CDK19: variants seen among roughly 807,000 people sequenced by gnomAD.
CDK19 encodes the protein cyclin-dependent kinase 19.
CDK19 carries 20 observed loss-of-function variants against 68.3 expected under a neutral mutation model. The observed-to-expected ratio is 0.29, with a 90% CI of 0.21 to 0.43. The LOEUF (loss-of-function observed/expected upper bound fraction) is 0.43. CDK19 is among the 20% of genes least tolerant of loss of function. CDK19 has a pLI of 1.00. For missense variants in CDK19, 339 were observed against 623.5 expected, an observed-to-expected ratio of 0.54 and a Z score of 4.86; for synonymous variants, 221 against 222.8, an observed-to-expected ratio of 0.99 and a Z score of 0.07.
At chr6:110,741,096 C>T (rs1360781344) in intron 2 of CDK19, among the ~76,000 whole-genome samples, 3 of 151,756 alleles carry the variant, frequency 2.0e-5, no homozygotes, top group East Asian at 3.9e-4. Flanking sequence ...AGCCTATAAA[C>T]ATATGTATAA....
In CDK19 at chr6:110,814,976, G is replaced by C. The variant is rs201635984; in HGVS notation, c.128+33C>G. On this transcript the variant is annotated intron_variant, in intron 1 of 12. Transcript: ENST00000368911. ...CAGGTCGCGGGCAGGGCGAGGACCC[G>C]AGCGAGCCTACTCCTCCCGCCCCTG... The C allele has an allele frequency of 3.5e-4, 559 of 1,597,700 alleles. 3 individuals are homozygous for C. The highest frequency in any genetic ancestry group is 1.9e-4 in the Admixed American group (11 of 58,900).
At chr6:110,739,365 ACCAGACACTGAATGGG>A (rs1191654474) in intron 2 of CDK19, among the ~76,000 whole-genome samples, 3 of 152,240 alleles carry the variant, frequency 2.0e-5, no homozygotes, top group East Asian at 1.9e-4. Flanking sequence ...GTGGACCCTT[ACCAGACACTGAATGGG>A]CCAGACACTG....
intron 2 of CDK19, among the ~76,000 whole-genome samples, chr6:110,737,877 A>G (rs1035305084): frequency 2.0e-5 from 3 of 152,224 alleles, no homozygotes; most frequent in African/African-American, 7.2e-5. Context: ...TTCAACTCCA[A>G]AAGTAAAATT....
intron 2 of CDK19, among the ~76,000 whole-genome samples, chr6:110,730,996 G>A (rs1776704897): frequency 6.6e-6 from 1 of 151,740 alleles, no homozygotes; most frequent in Admixed American, 6.6e-5. Flanking sequence ...AGGTTGCAGT[G>A]AGCTGAGATA....
In CDK19 at chr6:110,815,185, A is replaced by C; in HGVS notation, c.-49T>G. On this transcript the variant is annotated 5_prime_UTR_variant, in exon 1 of 13. Coordinates refer to ENST00000368911, the MANE Select transcript of CDK19 (RefSeq NM_015076.5). ...CGGGACGCGGGGGCCGCCGCCGCTC[A>C]GTCCCTCCTCCTCCTCCCCCCGCGA... The C allele has an allele frequency of 5.9e-6, 9 of 1,517,842 alleles. No individual in the cohort carries two copies. Among genetic ancestry groups the C allele is most frequent in the Non-Finnish European group, 8.0e-6 (9 of 1,130,130 alleles). 94.0% of individuals were successfully genotyped at this position (1,517,842 alleles called of 1,614,324 possible). A position where few individuals can be genotyped will look rare whatever the true frequency, so the allele number is the denominator to read the frequency against.
intron 1 of CDK19, among the ~76,000 whole-genome samples, chr6:110,803,664 A>T (rs1408912571): frequency 1.3e-5 from 2 of 152,216 alleles, no homozygotes; most frequent in African/African-American, 4.8e-5. Context: ...CTTAAAATGC[A>T]ATTACAATAA....
intron 5 of CDK19, among the ~76,000 whole-genome samples, chr6:110,636,190 T>C (rs1320259133): frequency 6.6e-6 from 1 of 152,252 alleles, no homozygotes; most frequent in Non-Finnish European, 1.5e-5. Context: ...TACAAGATGA[T>C]GATGATGAAT....
intron 3 of CDK19, among the ~76,000 whole-genome samples, chr6:110,669,047 T>A (rs1212215269): frequency 6.6e-6 from 1 of 152,214 alleles, no homozygotes; most frequent in Non-Finnish European, 1.5e-5. Flanking sequence ...TACAACATCA[T>A]CTTCTTTCAT....
chr6:110,677,112 C>G (rs889374731), intron 2 of CDK19, among the ~76,000 whole-genome samples: 2 of 152,202 alleles, frequency 1.3e-5, no homozygotes, highest in Admixed American at 1.3e-4. Context: ...TTACCTATAT[C>G]TATTTTGTTA....
At chr6:110,803,778 C>T (rs1300207155) in intron 1 of CDK19, among the ~76,000 whole-genome samples, 1 of 152,084 alleles carries the variant, frequency 6.6e-6, no homozygotes, top group African/African-American at 2.4e-5. Flanking sequence ...CCAGTCTGGG[C>T]AACATGGAAA....
At chr6:110,755,398 A>G (rs887923076) in intron 1 of CDK19, among the ~76,000 whole-genome samples, 5 of 152,186 alleles carry the variant, frequency 3.3e-5, no homozygotes, top group African/African-American at 1.2e-4. Context: ...AATAAATGCT[A>G]TAACAGAAAA....
At chr6:110,634,164 C>T (rs1362333898) in intron 5 of CDK19, among the ~76,000 whole-genome samples, 1 of 152,148 alleles carries the variant, frequency 6.6e-6, no homozygotes, top group Non-Finnish European at 1.5e-5. Context: ...TTTACATTTA[C>T]ATAAGCAGAA....
intron 1 of CDK19, among the ~76,000 whole-genome samples, chr6:110,765,026 G>A (rs570956952): frequency 6.6e-6 from 1 of 150,542 alleles, no homozygotes; most frequent in East Asian, 1.9e-4. Flanking sequence ...ATGACCTTGG[G>A]TTTACAGTAC....
chr6:110,648,567 G>GTCTCGC (rs954992103), intron 4 of CDK19, among the ~76,000 whole-genome samples: 5 of 135,358 alleles, frequency 3.7e-5, no homozygotes, highest in Non-Finnish European at 7.7e-5. Context: ...TTGAGAAGGA[G>GTCTCGC]TCTCGCTCTG....
At chr6:110,805,067 C>G (rs186813506) in intron 1 of CDK19, among the ~76,000 whole-genome samples, 1 of 152,238 alleles carries the variant, frequency 6.6e-6, no homozygotes, top group Non-Finnish European at 1.5e-5. Context: ...ACTACTGCTG[C>G]ACACTTGTAT....
intron 2 of CDK19, among the ~76,000 whole-genome samples, chr6:110,681,125 G>A (rs759792847): frequency 4.6e-5 from 7 of 152,146 alleles, no homozygotes; most frequent in Non-Finnish European, 1.0e-4. Context: ...ATCACTTGAT[G>A]TCTTGAGATC....
At chr6:110,781,560 G>A (rs921397254) in intron 1 of CDK19, among the ~76,000 whole-genome samples, 3 of 152,072 alleles carry the variant, frequency 2.0e-5, no homozygotes, top group Admixed American at 6.6e-5. Flanking sequence ...GACCCGATTC[G>A]GGCTGGGTGC....
At chr6:110,711,459 C>G (rs1045445987) in intron 2 of CDK19, among the ~76,000 whole-genome samples, 1 of 151,868 alleles carries the variant, frequency 6.6e-6, no homozygotes, top group Non-Finnish European at 1.5e-5. Context: ...CTCTTACATA[C>G]AACAGTTTTA....
chr6:110,706,066 T>C (rs1490686249), intron 2 of CDK19, among the ~76,000 whole-genome samples: 1 of 152,194 alleles, frequency 6.6e-6, no homozygotes, highest in Non-Finnish European at 1.5e-5. Context: ...TTTGTTTGTT[T>C]GTTTTTGAGA....
Sources: gnomAD v4.1 joint callset for allele counts (sites outside exome capture counted in the v4.1 genomes callset) on GRCh38, gnomAD v4.1.1 for gene constraint, MANE v1.5 for transcripts, NCBI Gene and HGNC (gene_info 2026-07-23, HGNC 2026-07-21) for gene names.